Variants in DIRAS2 observed in about 807,000 individuals in gnomAD.
The protein encoded by DIRAS2 is DIRAS family GTPase 2.
A neutral mutation model predicts 13.9 loss-of-function variants in DIRAS2; 5 were observed. The observed-to-expected ratio is 0.36, with a 90% CI of 0.19 to 0.76. The LOEUF (loss-of-function observed/expected upper bound fraction) is 0.76, where lower values mean the gene tolerates loss of function less well. Among genes scored for constraint, DIRAS2 ranks in the 30% least tolerant of loss-of-function variants. The pLI, the probability that DIRAS2 is intolerant of heterozygous loss-of-function variation, is 0.53. For missense variants in DIRAS2, 191 were observed against 263.0 expected, an observed-to-expected ratio of 0.73 and a Z score of 1.89; for synonymous variants, 111 against 105.4, an observed-to-expected ratio of 1.05 and a Z score of -0.33.
rs138454741 is a variant in DIRAS2 at position 90,624,557 on chromosome 9, T to C, written c.-36-10694A>G. 3.9e-3 allele frequency among the ~76,000 whole-genome samples: 591 copies of C among 152,262 alleles called. 6 individuals are homozygous for C. In the South Asian group the frequency reaches 0.049, roughly 13 times the overall value. On this transcript the variant is annotated intron_variant, in intron 1 of 1. Transcript: ENST00000375765. ...GGGGCACTTCTTGGAATGGCGGGGA[T>C]AGCATAAATTATTTTTAAGATTTCA...
At chr9:90,639,898 C>T (rs936170813) in intron 1 of DIRAS2, among the ~76,000 whole-genome samples, 1 of 152,134 alleles carries the variant, frequency 6.6e-6, no homozygotes, top group Non-Finnish European at 1.5e-5. Context: ...TTGGTGATGG[C>T]GCCGAACATG....
At chr9:90,629,838 C>T (rs1021256377) in intron 1 of DIRAS2, among the ~76,000 whole-genome samples, 1 of 152,048 alleles carries the variant, frequency 6.6e-6, no homozygotes, top group African/African-American at 2.4e-5. Flanking sequence ...ATCTTTTATT[C>T]CCATTTTTTT....
intron 1 of DIRAS2, among the ~76,000 whole-genome samples, chr9:90,624,548 T>A (rs548301777): frequency 3.0e-4 from 45 of 152,272 alleles, no homozygotes; most frequent in African/African-American, 1.0e-3. Flanking sequence ...CTTCTTGGAA[T>A]GGCGGGGATA....
chr9:90,632,246 G>A (rs1206685568), intron 1 of DIRAS2, among the ~76,000 whole-genome samples: 1 of 152,106 alleles, frequency 6.6e-6, no homozygotes, highest in African/African-American at 2.4e-5. Flanking sequence ...AAGGGGCTCT[G>A]CTCCACACCT....
intron 1 of DIRAS2, among the ~76,000 whole-genome samples, chr9:90,636,721 T>A (rs952847114): frequency 3.9e-5 from 6 of 152,178 alleles, no homozygotes; most frequent in African/African-American, 1.4e-4. Flanking sequence ...TGGTACATAG[T>A]CAAAGAGAGA....
intron 1 of DIRAS2, among the ~76,000 whole-genome samples, chr9:90,639,581 G>T (rs879742417): frequency 6.6e-6 from 1 of 152,182 alleles, no homozygotes; most frequent in Non-Finnish European, 1.5e-5. Context: ...GCAAACCCGG[G>T]GGGGCAGTAC....
At chr9:90,634,185 A>G (rs1587726623) in intron 1 of DIRAS2, among the ~76,000 whole-genome samples, 1 of 152,244 alleles carries the variant, frequency 6.6e-6, no homozygotes, top group East Asian at 1.9e-4. Flanking sequence ...GCATAAGAAG[A>G]GTGATGGAAA....
intron 1 of DIRAS2, among the ~76,000 whole-genome samples, chr9:90,640,993 G>T (rs1825413965): frequency 6.6e-6 from 1 of 152,034 alleles, no homozygotes; most frequent in African/African-American, 2.4e-5. Flanking sequence ...TTTTTTAAAA[G>T]GTTTTAATTT....
chr9:90,629,035 T>A (rs988094028), intron 1 of DIRAS2, among the ~76,000 whole-genome samples: 1 of 151,768 alleles, frequency 6.6e-6, no homozygotes, highest in Admixed American at 6.6e-5. Flanking sequence ...TTTGTATTTT[T>A]AGTAGAGACG....
intron 1 of DIRAS2, among the ~76,000 whole-genome samples, chr9:90,632,772 C>T (rs923503188): frequency 2.0e-5 from 3 of 152,178 alleles, no homozygotes; most frequent in African/African-American, 4.8e-5. Context: ...GCAGGCTAAG[C>T]GACTTGCCTT....
chr9:90,613,332 G>C lies in DIRAS2; in HGVS notation c.496C>G (p.Leu166Val), dbSNP rs905188763. 1 of 1,614,002 alleles carries C rather than the reference G, an allele frequency of 6.2e-7. No homozygotes were observed. The highest frequency in any genetic ancestry group is 8.5e-7 in the Non-Finnish European group (1 of 1,180,012). ...ACGGTCCTGCGCTTCTCCAGGTTGA[G>C]CAGCTCCTGGAAAAGCTCCTTCACG... ...HNVKELFQEL[L>V]NLEKRRTVSL... The change falls in exon 2 of 2, where the codon CTC (leucine) becomes GTC (valine). Residue 166 changes from leucine to valine, a missense_variant. Leu to Val is a conservative substitution (Grantham distance 32). Transcript: ENST00000375765. The surrounding 1 kb of genome is among the most constrained non-coding windows in gnomAD (Gnocchi z 5.6).
intron 1 of DIRAS2, among the ~76,000 whole-genome samples, chr9:90,626,634 T>A (rs902084313): frequency 6.6e-6 from 1 of 152,068 alleles, no homozygotes; most frequent in Non-Finnish European, 1.5e-5. Flanking sequence ...AAATAAAAAG[T>A]GTTAGCAAAG....
chr9:90,614,634 G>A (rs1278707254), intron 1 of DIRAS2, among the ~76,000 whole-genome samples: 1 of 152,122 alleles, frequency 6.6e-6, no homozygotes, highest in African/African-American at 2.4e-5. Context: ...TGACTTGGGC[G>A]TTACTCAGGC....
At chr9:90,620,612 C>T (rs1339472678) in intron 1 of DIRAS2, among the ~76,000 whole-genome samples, 1 of 151,906 alleles carries the variant, frequency 6.6e-6, no homozygotes, top group African/African-American at 2.4e-5. Flanking sequence ...AAAAAAATTA[C>T]CCAGGCCTTG....
At chr9:90,616,754 A>AC (rs1444941540) in intron 1 of DIRAS2, among the ~76,000 whole-genome samples, 1 of 151,808 alleles carries the variant, frequency 6.6e-6, no homozygotes, top group Non-Finnish European at 1.5e-5. Flanking sequence ...AAAAAAAAAA[A>AC]AAAATTGTAA....
In DIRAS2 at chr9:90,636,150, G is replaced by GC. The variant is rs566029053; in HGVS notation, c.-37+6601dup. 4.2e-3 allele frequency among the ~76,000 whole-genome samples: 592 copies of GC among 140,360 alleles called. 5 individuals carry two copies. Among genetic ancestry groups the GC allele is most frequent in the African/African-American group, 0.015 (553 of 37,524 alleles). The allele number at this position is 140,360 out of a possible 152,430, so 92.1% of individuals were successfully genotyped here. On this transcript the variant is annotated intron_variant, in intron 1 of 1. Transcript: ENST00000375765. Reference sequence around the variant, plus strand: ...CCTCCCGGGTTCACGCCATTCTCCTGCCTCAGCCTACTGAGTAGCTGGGAC... The same window carrying GC: ...CCTCCCGGGTTCACGCCATTCTCCTGCCCTCAGCCTACTGAGTAGCTGGGAC...
At chr9:90,636,474 T>A (rs1825372612) in intron 1 of DIRAS2, among the ~76,000 whole-genome samples, 1 of 152,236 alleles carries the variant, frequency 6.6e-6, no homozygotes, top group African/African-American at 2.4e-5. Context: ...ATATTTTGTT[T>A]GAAATGCAAC....
intron 1 of DIRAS2, among the ~76,000 whole-genome samples, chr9:90,623,569 C>T (rs1825240772): frequency 6.6e-6 from 1 of 152,118 alleles, no homozygotes; most frequent in African/African-American, 2.4e-5. Flanking sequence ...AGTATTAGGC[C>T]TATTGGGCCT....
intron 1 of DIRAS2, among the ~76,000 whole-genome samples, chr9:90,618,728 C>CTTT (rs747187395): frequency 6.6e-6 from 1 of 152,196 alleles, no homozygotes; most frequent in Middle Eastern, 3.4e-3. Flanking sequence ...GGGCAAAAGA[C>CTTT]TTAAAAAGAC....
Sources: allele counts gnomAD v4.1 joint callset (sites outside exome capture counted in the v4.1 genomes callset), GRCh38; gene constraint gnomAD v4.1.1; non-coding constraint Gnocchi (gnomAD v3.1); transcripts MANE v1.5; gene names NCBI Gene and HGNC (gene_info 2026-07-23, HGNC 2026-07-21).